The following ABTB3 variants were observed in gnomAD, a reference collection of about 807,000 sequenced individuals.
ABTB3 encodes ankyrin repeat and BTB domain containing 3.
the ABTB3 span, among the ~76,000 whole-genome samples, chr12:107,446,686 A>G: frequency 1.3e-5 from 2 of 152,184 alleles, no homozygotes; most frequent in African/African-American, 4.8e-5. Context: ...AATGCCAGCA[A>G]AGTCCTTAAT....
chr12:107,604,062 G>A, the ABTB3 span, among the ~76,000 whole-genome samples: 2 of 151,990 alleles, frequency 1.3e-5, no homozygotes, highest in Middle Eastern at 3.2e-3. Flanking sequence ...CTAGCTACTC[G>A]GGAGGCTGAG....
At chr12:107,486,493 G>A in the ABTB3 span, 1 of 152,006 alleles carries the variant, frequency 6.6e-6, no homozygotes, top group African/African-American at 2.4e-5. Context: ...ACAGACACAC[G>A]ATTCTGTCTA....
At chr12:107,525,167 A>G in the ABTB3 span, among the ~76,000 whole-genome samples, 1 of 151,912 alleles carries the variant, frequency 6.6e-6, no homozygotes, top group Non-Finnish European at 1.5e-5. Context: ...TCTACAAAAA[A>G]TGAAACAAAA....
At chr12:107,420,805 T>G in the ABTB3 span, among the ~76,000 whole-genome samples, 1 of 152,184 alleles carries the variant, frequency 6.6e-6, no homozygotes, top group Non-Finnish European at 1.5e-5. Context: ...CCCTGGGGAT[T>G]AAAAGACCCA....
At chr12:107,330,773 C>T in the ABTB3 span, among the ~76,000 whole-genome samples, 201 of 152,322 alleles carry the variant, frequency 1.3e-3, no homozygotes, top group African/African-American at 4.5e-3. Flanking sequence ...GATTAATTTA[C>T]GATCCTGCTG....
chr12:107,558,989 G>A, the ABTB3 span, among the ~76,000 whole-genome samples: 1 of 152,180 alleles, frequency 6.6e-6, no homozygotes, highest in Non-Finnish European at 1.5e-5. Context: ...TTCCATGTCT[G>A]TCTCCACTGC....
chr12:107,579,335 A>G, the ABTB3 span, among the ~76,000 whole-genome samples: 3 of 152,186 alleles, frequency 2.0e-5, no homozygotes, highest in Non-Finnish European at 4.4e-5. Context: ...GAGAATGTCA[A>G]TATCACATGG....
the ABTB3 span, among the ~76,000 whole-genome samples, chr12:107,491,858 G>T: frequency 1.7e-4 from 26 of 151,976 alleles, 1 homozygote; most frequent in Non-Finnish European, 2.6e-4. Context: ...TTGAACCCAG[G>T]CGTCAGCCTG....
At chr12:107,487,275 A>C in the ABTB3 span, among the ~76,000 whole-genome samples, 1 of 152,210 alleles carries the variant, frequency 6.6e-6, no homozygotes, top group Non-Finnish European at 1.5e-5. Context: ...AGTTGGGCTC[A>C]GCAAGTGGGT....
At chr12:107,591,136 C>A in the ABTB3 span, among the ~76,000 whole-genome samples, 2 of 152,192 alleles carry the variant, frequency 1.3e-5, no homozygotes, top group Non-Finnish European at 2.9e-5. Flanking sequence ...CATGCCATTT[C>A]ATTAAATCAC....
the ABTB3 span, among the ~76,000 whole-genome samples, chr12:107,419,904 A>T: frequency 6.6e-6 from 1 of 152,226 alleles, no homozygotes; most frequent in Non-Finnish European, 1.5e-5. Context: ...AATGCCAGAC[A>T]CAGCACTGTG....
the ABTB3 span, among the ~76,000 whole-genome samples, chr12:107,559,319 T>C: frequency 2.0e-5 from 3 of 152,016 alleles, no homozygotes; most frequent in Non-Finnish European, 4.4e-5. Flanking sequence ...TGGCTTGCTC[T>C]CATTTGCCTG....
At chr12:107,651,832 A>G in the ABTB3 span, 1 of 1,532,710 alleles carries the variant, frequency 6.5e-7, no homozygotes, top group East Asian at 2.3e-5. Context: ...GGAGCGCTGA[A>G]GCCGGGGAGG....
the ABTB3 span, among the ~76,000 whole-genome samples, chr12:107,577,044 T>C: frequency 6.6e-6 from 1 of 152,192 alleles, no homozygotes; most frequent in Non-Finnish European, 1.5e-5. Context: ...AACAGGCTAA[T>C]GGTAGCCACC....
the ABTB3 span, among the ~76,000 whole-genome samples, chr12:107,527,882 C>T: frequency 1.3e-5 from 2 of 152,186 alleles, no homozygotes; most frequent in African/African-American, 2.4e-5. Flanking sequence ...GTTTATAATA[C>T]TGTGGAGTGA....
chr12:107,544,281 C>A, the ABTB3 span: 2 of 854,188 alleles, frequency 2.3e-6, no homozygotes, highest in Non-Finnish European at 3.6e-6. Flanking sequence ...GAACCTTGCA[C>A]CCTGAGGGGA....
the ABTB3 span, among the ~76,000 whole-genome samples, chr12:107,365,804 G>A: frequency 6.6e-6 from 1 of 152,202 alleles, no homozygotes; most frequent in African/African-American, 2.4e-5. Flanking sequence ...AGTGAGTGAT[G>A]CCACCTGAGG....
At chr12:107,477,968 A>G in the ABTB3 span, among the ~76,000 whole-genome samples, 1,452 of 152,330 alleles carry the variant, frequency 9.5e-3, 35 homozygotes, top group African/African-American at 0.033. Flanking sequence ...TCTGATACTG[A>G]GACCTGAGGG....
chr12:107,319,712 C>T, the ABTB3 span: 1 of 1,532,780 alleles, frequency 6.5e-7, no homozygotes, highest in South Asian at 1.2e-5. Flanking sequence ...CTCCGGGGTG[C>T]CCCGGAGCTG....
Sources: gnomAD v4.1 joint callset for allele counts (sites outside exome capture counted in the v4.1 genomes callset) on GRCh38, gnomAD v4.1.1 for gene constraint, MANE v1.5 for transcripts, NCBI Gene and HGNC (gene_info 2026-07-23, HGNC 2026-07-21) for gene names.